The following UGT3A1 variants were observed in gnomAD, a reference collection of about 807,000 sequenced individuals.
UGT3A1 encodes UDP glycosyltransferase family 3 member A1.
A neutral mutation model predicts 37.6 loss-of-function variants in UGT3A1; 40 were observed. The ratio of observed to expected loss-of-function variants is 1.06; its 90% CI spans 0.83 to 1.38. UGT3A1 has a LOEUF of 1.38. Among genes scored for constraint, UGT3A1 ranks in the 40% most tolerant of loss-of-function variants. The pLI is 0.00. For synonymous variants in UGT3A1, 256 were observed against 232.3 expected, an observed-to-expected ratio of 1.10 and a Z score of -0.93; for missense variants, 642 against 634.2, an observed-to-expected ratio of 1.01 and a Z score of -0.13.
At chr5:35,985,476 A>G (rs1363090449) in intron 2 of UGT3A1, among the ~76,000 whole-genome samples, 3 of 152,350 alleles carry the variant, frequency 2.0e-5, no homozygotes, top group Middle Eastern at 3.4e-3. Context: ...ACGTATAGTA[A>G]CCAAATCAGC....
intron 4 of UGT3A1, among the ~76,000 whole-genome samples, chr5:35,963,915 T>C (rs1291890320): frequency 6.6e-6 from 1 of 152,232 alleles, no homozygotes; most frequent in Admixed American, 6.5e-5. Flanking sequence ...GAAACCACTT[T>C]GTTCTGAATC....
intron 6 of UGT3A1, chr5:35,954,681 C>G (rs942272101): frequency 2.7e-5 from 16 of 596,702 alleles, no homozygotes; most frequent in African/African-American, 2.6e-4. Flanking sequence ...CACCCACATA[C>G]AAAGACCAAT....
intron 2 of UGT3A1, among the ~76,000 whole-genome samples, chr5:35,976,326 A>G (rs896103951): frequency 1.3e-5 from 2 of 152,182 alleles, no homozygotes; most frequent in African/African-American, 4.8e-5. Flanking sequence ...TGCATTATAG[A>G]AGATCTCTTA....
At chr5:35,969,182 C>T (rs1739937418) in intron 2 of UGT3A1, among the ~76,000 whole-genome samples, 1 of 152,182 alleles carries the variant, frequency 6.6e-6, no homozygotes, top group Non-Finnish European at 1.5e-5. Flanking sequence ...GAATGGTAAT[C>T]ATTGTGTGGC....
intron 2 of UGT3A1, among the ~76,000 whole-genome samples, chr5:35,986,809 T>C (rs1337833339): frequency 6.6e-6 from 1 of 152,118 alleles, no homozygotes; most frequent in African/African-American, 2.4e-5. Flanking sequence ...TGTTTCAAAG[T>C]AGCTAGAAGA....
At chr5:35,966,418 G>A (rs1739810843) in intron 3 of UGT3A1, among the ~76,000 whole-genome samples, 1 of 152,088 alleles carries the variant, frequency 6.6e-6, no homozygotes, top group Non-Finnish European at 1.5e-5. Context: ...ACTTTTTGAT[G>A]ACAATATTAG....
intron 2 of UGT3A1, among the ~76,000 whole-genome samples, chr5:35,970,390 CAA>C (rs56062143): frequency 7.0e-4 from 92 of 131,888 alleles, no homozygotes; most frequent in Non-Finnish European, 7.5e-4. Context: ...GACTCCATCT[CAA>C]AAAAAAAAAA....
At chr5:35,990,280 G>A (rs1318202157) in intron 1 of UGT3A1, among the ~76,000 whole-genome samples, 1 of 151,882 alleles carries the variant, frequency 6.6e-6, no homozygotes, top group African/African-American at 2.4e-5. Flanking sequence ...TATCAAAATG[G>A]GCACTAAATT....
At chr5:35,975,933 C>T (rs1270258315) in intron 2 of UGT3A1, among the ~76,000 whole-genome samples, 1 of 152,078 alleles carries the variant, frequency 6.6e-6, no homozygotes, top group Non-Finnish European at 1.5e-5. Context: ...TATATATGTG[C>T]TTAATCACAT....
chr5:35,955,825 T>C lies in UGT3A1; in HGVS notation c.1115A>G (p.Gln372Arg), dbSNP rs1294596082. The stretch of plus-strand genomic sequence containing the variant: ...ACGGATGGCCTCCATTACGCTGTTC[T>C]GCCCACCATGAGTGACAAAAAGACG... The part of the protein sequence containing the change: ...SIRLFVTHGG[Q>R]NSVMEAIRHG... The change falls in exon 6 of 7, where the codon CAG becomes CGG. Residue 372 changes from glutamine to arginine, a missense_variant. Coordinates refer to ENST00000274278, the MANE Select transcript of UGT3A1 (RefSeq NM_152404.4). The C allele has an allele frequency of 3.1e-6, 5 of 1,614,234 alleles. No homozygotes were observed. The highest frequency in any genetic ancestry group is 4.2e-6 in the Non-Finnish European group (5 of 1,180,030).
At chr5:35,961,752 G>A (rs1358108580) in intron 4 of UGT3A1, 3 of 152,104 alleles carry the variant, frequency 2.0e-5, no homozygotes, top group Non-Finnish European at 4.4e-5. Context: ...CTGGTCCCAG[G>A]GCCCATTTCT....
chr5:35,999,482 CA>C lies in UGT3A1; in HGVS notation c.-160+1485del, dbSNP rs547006835. Among the ~76,000 whole-genome samples, 6 of 152,230 alleles carry C rather than the reference CA, an allele frequency of 3.9e-5. No individual in the cohort carries two copies. The South Asian group carries it at 1.2e-3, about 32-fold the overall frequency. On this transcript the variant is annotated intron_variant, in intron 1 of 5. Transcript: ENST00000625798. ...AAAGAAACTGAGAGCACAGCTCCATCAAAGGAGAAATCCACTTGGAAACAAG... is the reference window on the plus strand; with the variant it reads ...AAAGAAACTGAGAGCACAGCTCCATCAAGGAGAAATCCACTTGGAAACAAG...
chr5:35,954,072 G>A lies in UGT3A1; in HGVS notation c.*130C>T. The A allele has an allele frequency of 9.8e-7, 1 of 1,024,110 alleles. No individual in the cohort carries two copies. The highest frequency in any genetic ancestry group is 1.4e-6 in the Non-Finnish European group (1 of 702,356). 63.4% of individuals were successfully genotyped at this position (1,024,110 alleles called of 1,614,324 possible). ...GATTTCTAAACAGAGGCAGAGAATA[G>A]AAAGAAGCAAGTTGCAGGATCAGTG... On this transcript the variant is annotated 3_prime_UTR_variant, in exon 7 of 7. Coordinates refer to ENST00000274278, the MANE Select transcript of UGT3A1 (RefSeq NM_152404.4).
At chr5:35,986,894 G>T (rs149418271) in intron 2 of UGT3A1, among the ~76,000 whole-genome samples, 3 of 152,004 alleles carry the variant, frequency 2.0e-5, no homozygotes, top group Non-Finnish European at 2.9e-5. Flanking sequence ...ACACTGATTT[G>T]ATCCTTACAA....
rs1023205070 is a variant in UGT3A1, at chr5:35,951,405, A to G, written c.*2797T>C. On this transcript the variant is annotated 3_prime_UTR_variant, in exon 7 of 7. Coordinates refer to ENST00000274278, the MANE Select transcript of UGT3A1 (RefSeq NM_152404.4). ...CCATACACATACTTTCCTTTTTCTTATAAAAAAAAGGATACATCCTATAGT... is the reference window on the plus strand; with the variant it reads ...CCATACACATACTTTCCTTTTTCTTGTAAAAAAAAGGATACATCCTATAGT... 2.0e-5 allele frequency: 3 copies of G among 152,002 alleles called. No homozygotes were observed. Among genetic ancestry groups the G allele is most frequent in the African/African-American group, 7.2e-5 (3 of 41,412 alleles). The allele number at this position is 152,002 out of a possible 1,614,324, so 9.4% of individuals were successfully genotyped here. A position where few individuals can be genotyped will look rare whatever the true frequency, so the allele number is the denominator to read the frequency against.
chr5:35,964,963 C>T (rs1046433456), intron 4 of UGT3A1, among the ~76,000 whole-genome samples: 1 of 152,228 alleles, frequency 6.6e-6, no homozygotes, highest in South Asian at 2.1e-4. Context: ...CAGTCCCATG[C>T]AGTCCCACCC....
rs1406294223 is a variant in UGT3A1, at chr5:35,951,029, T to C, written c.*3173A>G. 1.3e-5 allele frequency: 2 copies of C among 152,090 alleles called. No individual in the cohort carries two copies. The highest frequency in any genetic ancestry group is 6.5e-5 in the Admixed American group (1 of 15,272). The allele number at this position is 152,090 out of a possible 1,614,324, so 9.4% of individuals were successfully genotyped here. A position where few individuals can be genotyped will look rare whatever the true frequency, so the allele number is the denominator to read the frequency against. ...GATTCGTTTGGAGTTCTTTTTTTTTTCTGTTGATTGATTGTATACAGTATA... is the reference window on the plus strand; with the variant it reads ...GATTCGTTTGGAGTTCTTTTTTTTTCCTGTTGATTGATTGTATACAGTATA... On this transcript the variant is annotated 3_prime_UTR_variant, in exon 7 of 7. Transcript: ENST00000274278.
At chr5:35,957,643 G>A (rs1044971212) in intron 4 of UGT3A1, among the ~76,000 whole-genome samples, 4 of 152,094 alleles carry the variant, frequency 2.6e-5, no homozygotes, top group African/African-American at 7.2e-5. Flanking sequence ...CTGAGGACAC[G>A]TTTTTGCATA....
chr5:35,984,522 G>C (rs949982245), intron 2 of UGT3A1, among the ~76,000 whole-genome samples: 2 of 147,158 alleles, frequency 1.4e-5, no homozygotes, highest in African/African-American at 5.1e-5. Flanking sequence ...ACCCAGGCTG[G>C]AGTGCAGTGG....
Sources: allele counts gnomAD v4.1 joint callset (sites outside exome capture counted in the v4.1 genomes callset), GRCh38; gene constraint gnomAD v4.1.1; transcripts MANE v1.5; gene names NCBI Gene and HGNC (gene_info 2026-07-23, HGNC 2026-07-21).